The following DEPTOR variants were observed in gnomAD, a reference collection of about 807,000 sequenced individuals.
The protein encoded by DEPTOR is DEP domain-containing mTOR-interacting protein.
In DEPTOR, 41 loss-of-function variants were observed where a neutral mutation model predicts 41.6. The ratio of observed to expected loss-of-function variants is 0.98; its 90% CI spans 0.77 to 1.28. The LOEUF (loss-of-function observed/expected upper bound fraction) is 1.28. Ranked by LOEUF, DEPTOR falls within the 50% of genes most tolerant of loss-of-function variation. The pLI is 0.00. For synonymous variants in DEPTOR, 195 were observed against 192.3 expected (o/e 1.01, Z -0.12); for missense variants, 514 against 527.9 (o/e 0.97, Z 0.26).
chr8:120,034,033 C>T lies in DEPTOR; in HGVS notation c.1102-15543C>T, dbSNP rs953658455. 4.6e-5 allele frequency among the ~76,000 whole-genome samples: 7 copies of T among 152,062 alleles called. No individual in the cohort carries two copies. The East Asian group carries it at 5.8e-4, about 13-fold the overall frequency. ...AGTGAGCCGAGGTCACACTATTGCA[C>T]TCCAGTCTGGGTGACAGAGTGAGAC... On this transcript the variant is annotated intron_variant, in intron 8 of 8. Transcript: ENST00000286234.
chr8:120,030,497 G>GTTTGTTTT (rs1207108457), intron 8 of DEPTOR, among the ~76,000 whole-genome samples: 38 of 46,216 alleles, frequency 8.2e-4, no homozygotes, highest in Non-Finnish European at 1.2e-3. Flanking sequence ...AGGTTCATCA[G>GTTTGTTTT]TTTTTTTTTT....
At chr8:119,882,049 C>G (rs1343575969) in intron 1 of DEPTOR, among the ~76,000 whole-genome samples, 1 of 152,100 alleles carries the variant, frequency 6.6e-6, no homozygotes, top group African/African-American at 2.4e-5. Flanking sequence ...CGCCACCACG[C>G]CCGGCTAATT....
At chr8:119,963,149 A>G (rs923837723) in intron 3 of DEPTOR, among the ~76,000 whole-genome samples, 8 of 152,170 alleles carry the variant, frequency 5.3e-5, no homozygotes, top group African/African-American at 1.9e-4. Flanking sequence ...AGCTCACTAG[A>G]GAGACTATGG....
intron 4 of DEPTOR, among the ~76,000 whole-genome samples, chr8:119,989,514 A>G (rs557087497): frequency 7.9e-5 from 12 of 152,198 alleles, no homozygotes; most frequent in Middle Eastern, 3.4e-3. Context: ...TCTCTCTTGG[A>G]TCTTCTTGTT....
intron 8 of DEPTOR, among the ~76,000 whole-genome samples, chr8:120,043,429 C>G (rs1487983165): frequency 1.3e-5 from 2 of 152,002 alleles, no homozygotes; most frequent in Non-Finnish European, 2.9e-5. Flanking sequence ...AAAAGAAACC[C>G]AAAACCTTAA....
At chr8:119,901,111 CAG>C (rs771984833) in intron 1 of DEPTOR, among the ~76,000 whole-genome samples, 125 of 152,120 alleles carry the variant, frequency 8.2e-4, no homozygotes, top group Non-Finnish European at 1.5e-3. Context: ...GAGTAAGAAG[CAG>C]AGTGTTTGTA....
intron 1 of DEPTOR, among the ~76,000 whole-genome samples, chr8:119,887,111 T>TCCCCCC (rs1827374988): frequency 1.6e-4 from 2 of 12,796 alleles, no homozygotes; most frequent in African/African-American, 6.6e-4. Context: ...CCCCTTCCCC[T>TCCCCCC]CCCCTCCCCC....
intron 4 of DEPTOR, among the ~76,000 whole-genome samples, chr8:119,990,309 C>T (rs1812131894): frequency 6.6e-6 from 1 of 152,042 alleles, no homozygotes; most frequent in Non-Finnish European, 1.5e-5. Flanking sequence ...AGGCGCCCAC[C>T]ACCATGCCCA....
At chr8:120,046,977 A>T (rs577355731) in intron 8 of DEPTOR, among the ~76,000 whole-genome samples, 35 of 152,346 alleles carry the variant, frequency 2.3e-4, no homozygotes, top group African/African-American at 8.2e-4. Flanking sequence ...TACACCTGGT[A>T]TGATCACAGC....
intron 8 of DEPTOR, among the ~76,000 whole-genome samples, chr8:120,030,922 G>T (rs907044071): frequency 6.6e-6 from 1 of 152,084 alleles, no homozygotes; most frequent in Non-Finnish European, 1.5e-5. Context: ...CAGGTAGGGG[G>T]TGTTGATAAT....
At chr8:119,905,667 G>C (rs1206320038) in intron 1 of DEPTOR, among the ~76,000 whole-genome samples, 1 of 137,450 alleles carries the variant, frequency 7.3e-6, no homozygotes, top group Non-Finnish European at 1.5e-5. Context: ...GTCTTGCTTT[G>C]TTGCCCAGGA....
chr8:119,911,609 TG>T, intron 1 of DEPTOR, among the ~76,000 whole-genome samples: 1 of 151,680 alleles, frequency 6.6e-6, no homozygotes, highest in East Asian at 1.9e-4. Flanking sequence ...TGAGCCACCG[TG>T]CCTGGCCCCT....
At chr8:119,925,518 T>C (rs1392971380) in intron 1 of DEPTOR, among the ~76,000 whole-genome samples, 6 of 152,172 alleles carry the variant, frequency 3.9e-5, no homozygotes, top group Non-Finnish European at 8.8e-5. Flanking sequence ...GATTCAATTA[T>C]CTCCACCTGG....
At chr8:120,036,482 C>T (rs1812981279) in intron 8 of DEPTOR, among the ~76,000 whole-genome samples, 1 of 152,222 alleles carries the variant, frequency 6.6e-6, no homozygotes, top group African/African-American at 2.4e-5. Flanking sequence ...AGTCACTCCA[C>T]AGCCAGTTGC....
intron 3 of DEPTOR, among the ~76,000 whole-genome samples, chr8:119,940,951 G>C (rs1037584440): frequency 4.6e-5 from 7 of 152,056 alleles, no homozygotes; most frequent in African/African-American, 1.2e-4. Flanking sequence ...CAGGGGAAAG[G>C]GGGGAATAGG....
At chr8:119,966,922 T>C (rs1828569374) in intron 4 of DEPTOR, among the ~76,000 whole-genome samples, 1 of 152,160 alleles carries the variant, frequency 6.6e-6, no homozygotes, top group Admixed American at 6.5e-5. Context: ...AGAAATATGA[T>C]TGGACAAAAA....
At chr8:119,917,105 A>G (rs1827824231) in intron 1 of DEPTOR, among the ~76,000 whole-genome samples, 1 of 152,198 alleles carries the variant, frequency 6.6e-6, no homozygotes, top group African/African-American at 2.4e-5. Flanking sequence ...GACTCCGGCA[A>G]GAGATCTACG....
At chr8:119,874,309 G>C in intron 1 of DEPTOR, 1 of 326,636 alleles carries the variant, frequency 3.1e-6, no homozygotes, top group East Asian at 9.2e-5. Flanking sequence ...AGGCCTCCCG[G>C]CTGACAGCCT....
intron 8 of DEPTOR, among the ~76,000 whole-genome samples, chr8:120,037,241 G>A (rs16893456): frequency 0.051 from 7,731 of 152,208 alleles, 648 homozygotes; most frequent in African/African-American, 0.17. Flanking sequence ...CTTAATTAGA[G>A]TTGATCCTCA....
Sources: allele counts gnomAD v4.1 joint callset (sites outside exome capture counted in the v4.1 genomes callset), GRCh38; gene constraint gnomAD v4.1.1; transcripts MANE v1.5; gene names NCBI Gene and HGNC (gene_info 2026-07-23, HGNC 2026-07-21).